The following TOPAZ1 variants were observed in gnomAD, a reference collection of about 807,000 sequenced individuals.
TOPAZ1 encodes testis and ovary specific TOPAZ 1, also known as protein TOPAZ1.
Under a neutral mutation model 172.2 loss-of-function variants are expected in TOPAZ1, and 66 were observed. The ratio of observed to expected loss-of-function variants is 0.38; its 90% CI spans 0.31 to 0.47. The LOEUF (loss-of-function observed/expected upper bound fraction) is 0.47, where lower values mean the gene tolerates loss of function less well. Among genes scored for constraint, TOPAZ1 ranks in the 20% least tolerant of loss-of-function variants. The pLI, the probability that TOPAZ1 is intolerant of heterozygous loss-of-function variation, is 0.99. For missense variants in TOPAZ1, 1,822 were observed against 1,972.4 expected (o/e 0.92, Z 1.44); for synonymous variants, 681 against 683.9 (o/e 1.00, Z 0.07).
chr3:44,262,323 CA>C (rs1259528961), intron 4 of TOPAZ1, 95 bp from the exon 5 acceptor site: 3 of 501,178 alleles, frequency 6.0e-6, no homozygotes, highest in Non-Finnish European at 1.0e-5. Context: ...ATTTAATTAA[CA>C]TCTAATACAT....
At chr3:44,286,396 G>A (rs773470398) in intron 9 of TOPAZ1, among the ~76,000 whole-genome samples, 4 of 152,186 alleles carry the variant, frequency 2.6e-5, no homozygotes, top group South Asian at 4.1e-4. Context: ...CTGTATAGGC[G>A]ACTATATAAA....
At chr3:44,332,725 G>A (rs775507434), downstream of TOPAZ1, among the ~76,000 whole-genome samples, 103 of 151,900 alleles carry the variant, frequency 6.8e-4, no homozygotes, top group Middle Eastern at 0.01. Context: ...ACTTTAAACC[G>A]TAATTTAAAA....
At position 44,323,306 on chromosome 3, in the gene TOPAZ1, T is replaced by C. The variant is rs1474324350; in HGVS notation, c.4675+11T>C. ...GAGCCCACTACAAAAGTAAGTTACA[T>C]TTAAAATGTTTTAATATATTGGTTT... is the stretch of plus-strand genomic sequence containing the variant. On this transcript the variant is annotated intron_variant, in intron 18 of 19. Transcript: ENST00000309765. 6.7e-7 allele frequency: 1 copy of C among 1,485,612 alleles called. No individual in the cohort carries two copies. Among genetic ancestry groups the C allele is most frequent in the Non-Finnish European group, 9.1e-7 (1 of 1,101,612 alleles). 92.0% of individuals were successfully genotyped at this position (1,485,612 alleles called of 1,614,324 possible).
intron 9 of TOPAZ1, among the ~76,000 whole-genome samples, chr3:44,284,586 A>G (rs990392711): frequency 1.3e-5 from 2 of 152,206 alleles, no homozygotes. Flanking sequence ...ACTTTGACAT[A>G]CAAGTATCTA....
At chr3:44,268,126 A>C (rs930523525) in intron 6 of TOPAZ1, among the ~76,000 whole-genome samples, 3 of 152,184 alleles carry the variant, frequency 2.0e-5, no homozygotes, top group Non-Finnish European at 2.9e-5. Context: ...ATTAAGGGAT[A>C]TGATGCCTGG....
chr3:44,326,279 C>T (rs866455555), intron 18 of TOPAZ1, among the ~76,000 whole-genome samples: 1 of 152,154 alleles, frequency 6.6e-6, no homozygotes, highest in Non-Finnish European at 1.5e-5. Flanking sequence ...CAGCCGTGTA[C>T]GGGATTTCCT....
rs1575704445 is a variant in TOPAZ1, at chr3:44,248,399, C to T, written c.2765+3128C>T. Among the ~76,000 whole-genome samples, 4 of 152,260 alleles carry T rather than the reference C, an allele frequency of 2.6e-5. No homozygotes were observed. In the South Asian group the frequency reaches 8.3e-4, roughly 32 times the overall value. ...AGCACCAGTTATACTTTTATTGGCT[C>T]TTCTTTGCCTTTTATCTACTTCTAA... On this transcript the variant is annotated intron_variant, in intron 2 of 19. Coordinates refer to ENST00000309765, the MANE Select transcript of TOPAZ1 (RefSeq NM_001145030.2).
intron 12 of TOPAZ1, among the ~76,000 whole-genome samples, chr3:44,301,239 G>A (rs1270224171): frequency 6.6e-6 from 1 of 152,108 alleles, no homozygotes; most frequent in Non-Finnish European, 1.5e-5. Context: ...GATAAAAACT[G>A]AATAAGGCCT....
At chr3:44,308,771 CATA>C (rs1335004949) in intron 15 of TOPAZ1, among the ~76,000 whole-genome samples, 1 of 151,878 alleles carries the variant, frequency 6.6e-6, no homozygotes, top group Non-Finnish European at 1.5e-5. Context: ...TATTTTATTA[CATA>C]GTATGAATTT....
intron 14 of TOPAZ1, among the ~76,000 whole-genome samples, 160 bp downstream of exon 14, chr3:44,305,481 T>C (rs1179989087): frequency 6.6e-6 from 1 of 152,148 alleles, no homozygotes; most frequent in East Asian, 1.9e-4. Flanking sequence ...GCACTTCTCC[T>C]GCCTCAGCCT....
In TOPAZ1 at chr3:44,241,919, C is replaced by T. The variant is rs1575700897; in HGVS notation, c.-135C>T. On this transcript the variant is annotated 5_prime_UTR_variant, in exon 1 of 20. Transcript: ENST00000309765. Reference sequence around the variant, plus strand: ...TTACGCGCCCCACTTCCGCTTCCGGCCCCGGGCTGTGGTGACTGGCGGTGT... The same window carrying T: ...TTACGCGCCCCACTTCCGCTTCCGGTCCCGGGCTGTGGTGACTGGCGGTGT... 1 of 862,736 alleles carries T rather than the reference C, an allele frequency of 1.2e-6. No homozygotes were observed. 53.4% of individuals were successfully genotyped at this position (862,736 alleles called of 1,614,324 possible). A position where few individuals can be genotyped will look rare whatever the true frequency, so the allele number is the denominator to read the frequency against.
Position 44,243,212 on chromosome 3 carries a change from A to G in TOPAZ1, c.706A>G (p.Lys236Glu), listed in dbSNP as rs1232011543. The change falls in exon 2 of 20, where the codon AAG becomes GAG. Residue 236 changes from lysine (K) to glutamate (E), a missense_variant. Coordinates refer to ENST00000309765, the MANE Select transcript of TOPAZ1 (RefSeq NM_001145030.2). ...TGATTGCAATTGTTTCCCCCATTCC[A>G]AGGGTTGTAATGATGAAAACAACCT... ...LRDCNCFPHS[K>E]GCNDENNLPY... 2 of 1,549,388 alleles carry G rather than the reference A, an allele frequency of 1.3e-6. No homozygotes were observed.
At position 44,256,152 on chromosome 3, in the gene TOPAZ1, A is replaced by G. The variant is rs1364526857; in HGVS notation, c.2829A>G (p.Glu943=). The G allele has an allele frequency of 1.7e-5, 26 of 1,500,624 alleles. No individual in the cohort carries two copies. The highest frequency in any genetic ancestry group is 2.3e-5 in the Non-Finnish European group (26 of 1,130,200). 93.0% of individuals were successfully genotyped at this position (1,500,624 alleles called of 1,614,324 possible). The change falls in exon 4 of 20, where the codon GAA becomes GAG. Residue 943 remains glutamate, a splice_region_variant and synonymous_variant. Coordinates refer to ENST00000309765, the MANE Select transcript of TOPAZ1 (RefSeq NM_001145030.2). Reference sequence around the variant, plus strand: ...TAGTTGAATATTATTTCTTTTCAGAAAGTGAAATAAAACGTGATCCCAAAG... The same window carrying G: ...TAGTTGAATATTATTTCTTTTCAGAGAGTGAAATAAAACGTGATCCCAAAG... ...KPDICASNSA[E]SEIKRDPKDV...
In TOPAZ1 at chr3:44,256,977, GTGTATGTATGTACAAGTA is replaced by G. The variant is rs550878907; in HGVS notation, c.2955+718_2955+735del. 6.2e-4 allele frequency among the ~76,000 whole-genome samples: 94 copies of G among 152,074 alleles called. No homozygotes were observed. In the South Asian group the frequency reaches 0.011, roughly 17 times the overall value. On this transcript the variant is annotated intron_variant, in intron 4 of 19. Transcript: ENST00000309765. ...TATTGATCTTTTACTTCCACTATAT[GTGTATGTATGTACAAGTA>G]TGTATGTATGTACAAGTACATACAT...
chr3:44,306,958 C>T (rs1700342297), intron 15 of TOPAZ1, among the ~76,000 whole-genome samples: 1 of 152,112 alleles, frequency 6.6e-6, no homozygotes, highest in Non-Finnish European at 1.5e-5. Flanking sequence ...TTGCCAACAC[C>T]TGAGTATCAG....
At chr3:44,296,851 A>AG (rs1700202037) in intron 12 of TOPAZ1, among the ~76,000 whole-genome samples, 2 of 116,520 alleles carry the variant, frequency 1.7e-5, no homozygotes, top group South Asian at 2.9e-4. Flanking sequence ...GAATACCAAA[A>AG]AAAAAAAAAA....
At chr3:44,257,469 AGTGTGTGTGTG>A (rs1288182849) in intron 4 of TOPAZ1, among the ~76,000 whole-genome samples, 1 of 113,824 alleles carries the variant, frequency 8.8e-6, no homozygotes, top group African/African-American at 3.6e-5. Context: ...ATATATATAT[AGTGTGTGTGTG>A]TGTGTGTGTG....
chr3:44,308,659 AT>A (rs1240195832), intron 15 of TOPAZ1, among the ~76,000 whole-genome samples: 4 of 151,874 alleles, frequency 2.6e-5, no homozygotes, highest in African/African-American at 9.7e-5. Flanking sequence ...TTTTGCTGAA[AT>A]TTTAGAGTAT....
At chr3:44,276,947 C>T (rs1030619486) in intron 8 of TOPAZ1, among the ~76,000 whole-genome samples, 4 of 151,818 alleles carry the variant, frequency 2.6e-5, no homozygotes, top group Non-Finnish European at 4.4e-5. Flanking sequence ...TATGTCACCA[C>T]GCCCAGCTAA....
Sources: gnomAD v4.1 joint callset for allele counts (sites outside exome capture counted in the v4.1 genomes callset) on GRCh38, gnomAD v4.1.1 for gene constraint, MANE v1.5 for transcripts, NCBI Gene and HGNC (gene_info 2026-07-23, HGNC 2026-07-21) for gene names.